The following IFNG-AS1 variants were observed in gnomAD, a reference collection of about 807,000 sequenced individuals.
IFNG-AS1 encodes the protein IFNG antisense RNA 1 (non-protein coding).
At chr12:68,005,064 CAG>C (rs1316800327) in intron 2 of IFNG-AS1, among the ~76,000 whole-genome samples, 2 of 152,268 alleles carry the variant, frequency 1.3e-5, no homozygotes, top group Non-Finnish European at 2.9e-5. Context: ...GGTGCAAAGA[CAG>C]AAATCTAGTT....
At chr12:68,012,201 T>A (rs141733344) in intron 3 of IFNG-AS1, among the ~76,000 whole-genome samples, 1 of 152,220 alleles carries the variant, frequency 6.6e-6, no homozygotes, top group Non-Finnish European at 1.5e-5. Flanking sequence ...TTACTCTTCA[T>A]GCCAAGTTGC....
rs568221097 is a variant in IFNG-AS1 at position 67,997,509 on chromosome 12, T to C, written n.184+1436T>C. On this transcript the variant is annotated intron_variant and non_coding_transcript_variant, in intron 2 of 5. Coordinates refer to ENST00000536914, the Ensembl canonical transcript of IFNG-AS1. Reference sequence around the variant, plus strand: ...GCATAAAGACCCAATGAAAAAGAGATATAATATAAATGTAAAAAAAAATTT... The same window carrying C: ...GCATAAAGACCCAATGAAAAAGAGACATAATATAAATGTAAAAAAAAATTT... 5.9e-5 allele frequency among the ~76,000 whole-genome samples: 9 copies of C among 151,648 alleles called. No homozygotes were observed. The South Asian group carries it at 1.9e-3, about 32-fold the overall frequency.
intron 3 of IFNG-AS1, among the ~76,000 whole-genome samples, chr12:68,018,791 T>A (rs1425763858): frequency 2.0e-5 from 3 of 151,850 alleles, no homozygotes; most frequent in Admixed American, 1.3e-4. Context: ...TATATATTTT[T>A]TTTTATTATA....
Position 68,009,563 on chromosome 12 carries a change from G to A in IFNG-AS1, n.241+3417G>A, listed in dbSNP as rs926449666. On this transcript the variant is annotated intron_variant and non_coding_transcript_variant, in intron 3 of 5. Coordinates refer to ENST00000536914, the Ensembl canonical transcript of IFNG-AS1. ...TCACTGTGTTAGCCAGGGTGGTCTC[G>A]ATCTCTTGGCCTCGTGATCCACCCA... Among the ~76,000 whole-genome samples the A allele has an allele frequency of 4.6e-5, 7 of 152,214 alleles. No individual in the cohort carries two copies. The East Asian group carries it at 5.8e-4, about 13-fold the overall frequency.
intron 3 of IFNG-AS1, among the ~76,000 whole-genome samples, chr12:68,013,841 A>C (rs1358361639): frequency 1.3e-5 from 2 of 152,176 alleles, no homozygotes; most frequent in African/African-American, 4.8e-5. Context: ...GTTTGGTTAC[A>C]TGAGTAAGTT....
intron 3 of IFNG-AS1, among the ~76,000 whole-genome samples, chr12:68,019,285 A>G (rs968705120): frequency 3.3e-5 from 5 of 152,136 alleles, no homozygotes; most frequent in African/African-American, 9.7e-5. Context: ...TGCTTACTAC[A>G]TGCCAGGCTC....
intron 3 of IFNG-AS1, among the ~76,000 whole-genome samples, chr12:68,009,207 G>A (rs1471564976): frequency 6.6e-6 from 1 of 152,128 alleles, no homozygotes; most frequent in Non-Finnish European, 1.5e-5. Context: ...GCACTTAATA[G>A]TAACACATAT....
intron 3 of IFNG-AS1, chr12:68,019,768 A>C (rs1248690313): frequency 6.6e-6 from 1 of 152,210 alleles, no homozygotes; most frequent in Non-Finnish European, 1.5e-5. Context: ...TTTGAAATTT[A>C]CTGTTTAGAA....
intron 2 of IFNG-AS1, among the ~76,000 whole-genome samples, chr12:68,005,600 A>G (rs953134023): frequency 4.6e-5 from 7 of 152,346 alleles, no homozygotes; most frequent in Admixed American, 6.5e-5. Context: ...ACAGACCACA[A>G]TTATTTATGT....
chr12:67,990,624 C>A (rs1253871194), intron 1 of IFNG-AS1, among the ~76,000 whole-genome samples: 1 of 151,262 alleles, frequency 6.6e-6, no homozygotes, highest in Non-Finnish European at 1.5e-5. Context: ...GATGGAGTCT[C>A]GCACTGTCGA....
intron 2 of IFNG-AS1, among the ~76,000 whole-genome samples, chr12:67,999,376 A>C (rs1268799882): frequency 6.6e-6 from 1 of 152,180 alleles, no homozygotes; most frequent in Non-Finnish European, 1.5e-5. Flanking sequence ...GAAACCAAGG[A>C]TCCTTGAGAA....
At chr12:68,003,763 C>G (rs906365515) in intron 2 of IFNG-AS1, among the ~76,000 whole-genome samples, 3 of 151,942 alleles carry the variant, frequency 2.0e-5, no homozygotes, top group Admixed American at 6.6e-5. Flanking sequence ...AAAAATTAGC[C>G]GGGCATGGTA....
At chr12:68,011,323 A>G (rs1459147822) in intron 3 of IFNG-AS1, among the ~76,000 whole-genome samples, 1 of 152,218 alleles carries the variant, frequency 6.6e-6, no homozygotes, top group Non-Finnish European at 1.5e-5. Flanking sequence ...TGGTTCAATC[A>G]TTCAACAATT....
At chr12:68,011,684 A>G (rs1004728075) in intron 3 of IFNG-AS1, among the ~76,000 whole-genome samples, 1 of 152,164 alleles carries the variant, frequency 6.6e-6, no homozygotes, top group Non-Finnish European at 1.5e-5. Context: ...CAGAACCATC[A>G]GACCGCAGCA....
At chr12:68,002,972 T>C (rs1879804804) in intron 2 of IFNG-AS1, among the ~76,000 whole-genome samples, 1 of 152,226 alleles carries the variant, frequency 6.6e-6, no homozygotes, top group South Asian at 2.1e-4. Flanking sequence ...ATACTCTATA[T>C]TTATTCTAGA....
chr12:67,998,498 T>C (rs1179686535), intron 2 of IFNG-AS1, among the ~76,000 whole-genome samples: 1 of 150,964 alleles, frequency 6.6e-6, no homozygotes, highest in African/African-American at 2.4e-5. Flanking sequence ...GGAACTAAGA[T>C]TGCTTATATA....
rs568847234 is a variant in IFNG-AS1, at chr12:68,018,934, TA to T, written n.242-927del. 5.3e-4 allele frequency among the ~76,000 whole-genome samples: 81 copies of T among 152,228 alleles called. 1 individual carries two copies. In the South Asian group the frequency reaches 0.016, roughly 30 times the overall value. On this transcript the variant is annotated intron_variant and non_coding_transcript_variant, in intron 3 of 5. Transcript: ENST00000536914. Reference sequence around the variant, plus strand: ...CTTTTTTAAGAGGATCCGTGGTTTTTACCACGCCTTTGAGTGGAAGCAGAAT... The same window carrying T: ...CTTTTTTAAGAGGATCCGTGGTTTTTCCACGCCTTTGAGTGGAAGCAGAAT...
At chr12:67,993,648 C>T (rs1375174186) in intron 1 of IFNG-AS1, among the ~76,000 whole-genome samples, 2 of 152,018 alleles carry the variant, frequency 1.3e-5, no homozygotes, top group African/African-American at 4.8e-5. Flanking sequence ...AATAGTTCTA[C>T]CATGAACATA....
intron 2 of IFNG-AS1, among the ~76,000 whole-genome samples, chr12:68,000,221 T>C (rs924370962): frequency 6.6e-6 from 1 of 152,146 alleles, no homozygotes; most frequent in African/African-American, 2.4e-5. Flanking sequence ...GCAACTTTTT[T>C]TAGTCTGAAA....
Sources: allele counts gnomAD v4.1 joint callset (sites outside exome capture counted in the v4.1 genomes callset), GRCh38; gene constraint gnomAD v4.1.1; transcripts MANE v1.5; gene names NCBI Gene and HGNC (gene_info 2026-07-23, HGNC 2026-07-21).